The following COBL variants were observed in gnomAD, a reference collection of about 807,000 sequenced individuals.
COBL encodes the protein cordon-bleu WH2 repeat protein, also known as protein cordon-bleu.
A neutral mutation model predicts 98.8 loss-of-function variants in COBL; 51 were observed. The observed-to-expected ratio is 0.52, with a 90% CI of 0.41 to 0.65. The LOEUF (loss-of-function observed/expected upper bound fraction) is 0.65, where lower values mean the gene tolerates loss of function less well. Ranked by LOEUF, COBL falls within the 30% of genes least tolerant of loss-of-function variation. The pLI, the probability that COBL is intolerant of heterozygous loss-of-function variation, is 0.00. For missense variants in COBL, 1,617 were observed against 1,617.5 expected (o/e 1.00, Z 0.01); for synonymous variants, 634 against 651.7 (o/e 0.97, Z 0.41).
intron 12 of COBL, among the ~76,000 whole-genome samples, chr7:51,023,765 C>A (rs1787175310): frequency 6.6e-6 from 1 of 152,230 alleles, no homozygotes; most frequent in Non-Finnish European, 1.5e-5. Context: ...AGCAGTCCTA[C>A]ATGAGAGTAG....
intron 7 of COBL, among the ~76,000 whole-genome samples, chr7:51,045,580 T>C (rs988572664): frequency 3.3e-5 from 5 of 152,158 alleles, no homozygotes; most frequent in Non-Finnish European, 5.9e-5. Context: ...CCAGGGATTA[T>C]CGCTGAGGCG....
intron 5 of COBL, among the ~76,000 whole-genome samples, chr7:51,173,878 A>G (rs530455129): frequency 1.2e-4 from 19 of 152,306 alleles, no homozygotes; most frequent in African/African-American, 4.3e-4. Flanking sequence ...TCCTTTAAGT[A>G]TATTTCCTAT....
chr7:51,215,052 A>G (rs76778476), intron 2 of COBL, among the ~76,000 whole-genome samples: 3,505 of 152,224 alleles, frequency 0.023, 127 homozygotes, highest in South Asian at 0.15. Flanking sequence ...GTGCCTCACG[A>G]AAGTTAGCAA....
chr7:51,088,065 T>C (rs992904703), intron 6 of COBL, among the ~76,000 whole-genome samples: 1 of 152,082 alleles, frequency 6.6e-6, no homozygotes, highest in Non-Finnish European at 1.5e-5. Flanking sequence ...GTATCTGCTT[T>C]TCCTCTGCAG....
At chr7:51,135,345 G>C (rs996138465) in intron 6 of COBL, among the ~76,000 whole-genome samples, 1 of 152,118 alleles carries the variant, frequency 6.6e-6, no homozygotes, top group Non-Finnish European at 1.5e-5. Context: ...TAGATTTTTA[G>C]GGATATGAAG....
At chr7:51,120,529 T>C (rs1797652327) in intron 6 of COBL, among the ~76,000 whole-genome samples, 1 of 152,256 alleles carries the variant, frequency 6.6e-6, no homozygotes, top group South Asian at 2.1e-4. Context: ...CACTTTTAAT[T>C]GTACAGTTCA....
chr7:51,220,147 C>G (rs1186103124), intron 1 of COBL, among the ~76,000 whole-genome samples: 1 of 152,058 alleles, frequency 6.6e-6, no homozygotes, highest in Admixed American at 6.5e-5. Flanking sequence ...GAAGCATTCC[C>G]GGAAAGAAAC....
intron 5 of COBL, among the ~76,000 whole-genome samples, chr7:51,148,866 A>AT (rs1554405789): frequency 6.6e-6 from 1 of 151,602 alleles, no homozygotes; most frequent in Non-Finnish European, 1.5e-5. Flanking sequence ...GGCATCCCCA[A>AT]CCCCCTTATC....
At chr7:51,048,291 T>C (rs1336586377) in intron 7 of COBL, among the ~76,000 whole-genome samples, 1 of 152,226 alleles carries the variant, frequency 6.6e-6, no homozygotes, top group African/African-American at 2.4e-5. Context: ...GTTCAGTTGG[T>C]TGCAACAGAT....
intron 8 of COBL, among the ~76,000 whole-genome samples, chr7:51,042,258 A>C (rs1789274621): frequency 6.6e-6 from 1 of 152,238 alleles, no homozygotes. Flanking sequence ...AGAAAAGAAA[A>C]CATTAATTAA....
rs998442091 is a variant in COBL at position 51,064,919 on chromosome 7, T to G, written c.1096+20247A>C. Reference sequence around the variant, plus strand: ...GCCCTGCTGCCTGGAAAGGATGCAGTGCGGTCTGTGGTGACGGGTTCATAT... The same window carrying G: ...GCCCTGCTGCCTGGAAAGGATGCAGGGCGGTCTGTGGTGACGGGTTCATAT... On this transcript the variant is annotated intron_variant, in intron 7 of 12. Coordinates refer to ENST00000265136, the MANE Select transcript of COBL (RefSeq NM_015198.5). 36 of 554,194 alleles carry G rather than the reference T, an allele frequency of 6.5e-5. 1 individual carries two copies. The highest frequency in any genetic ancestry group is 9.0e-5 in the Non-Finnish European group (28 of 312,302). The allele number at this position is 554,194 out of a possible 1,614,324, so 34.3% of individuals were successfully genotyped here.
chr7:51,058,770 C>T (rs939647608), intron 7 of COBL, among the ~76,000 whole-genome samples: 6 of 152,284 alleles, frequency 3.9e-5, no homozygotes, highest in East Asian at 3.9e-4. Context: ...CATGGACAGC[C>T]GGAGCCTCTG....
At chr7:51,181,553 G>T (rs1024605879) in intron 5 of COBL, among the ~76,000 whole-genome samples, 3 of 152,064 alleles carry the variant, frequency 2.0e-5, no homozygotes, top group Non-Finnish European at 4.4e-5. Flanking sequence ...CTTCCTTTTT[G>T]CCCTAAAAAA....
At chr7:51,105,361 G>T (rs548422642) in intron 6 of COBL, among the ~76,000 whole-genome samples, 1 of 152,158 alleles carries the variant, frequency 6.6e-6, no homozygotes, top group East Asian at 1.9e-4. Flanking sequence ...CACCTGCTGC[G>T]CGAACTTGCT....
intron 6 of COBL, among the ~76,000 whole-genome samples, chr7:51,102,040 CAA>C (rs886283898): frequency 6.6e-6 from 1 of 151,890 alleles, no homozygotes; most frequent in African/African-American, 2.4e-5. Flanking sequence ...GAGGACACAG[CAA>C]AAAAAGAGTT....
chr7:51,084,794 A>G (rs1473223425), intron 7 of COBL, among the ~76,000 whole-genome samples: 1 of 152,098 alleles, frequency 6.6e-6, no homozygotes, highest in East Asian at 1.9e-4. Context: ...GATCTCTTTG[A>G]AATGCCAAAT....
At chr7:51,284,415 AAAG>A (rs1470723995) in intron 1 of COBL, among the ~76,000 whole-genome samples, 2 of 152,182 alleles carry the variant, frequency 1.3e-5, no homozygotes, top group African/African-American at 4.8e-5. Context: ...CTGACAGTTT[AAAG>A]AAGAAAAATC....
intron 2 of COBL, among the ~76,000 whole-genome samples, chr7:51,208,438 G>GA (rs953352853): frequency 2.7e-5 from 4 of 147,150 alleles, no homozygotes; most frequent in Non-Finnish European, 4.5e-5. Context: ...GAGGGAGGTG[G>GA]GGGGGGTCAG....
chr7:51,287,925 G>A (rs779800003), intron 1 of COBL, among the ~76,000 whole-genome samples: 1 of 152,158 alleles, frequency 6.6e-6, no homozygotes, highest in Non-Finnish European at 1.5e-5. Context: ...AAGAGGTTAG[G>A]TTATACCCTA....
Sources: allele counts gnomAD v4.1 joint callset (sites outside exome capture counted in the v4.1 genomes callset), GRCh38; gene constraint gnomAD v4.1.1; transcripts MANE v1.5; gene names NCBI Gene and HGNC (gene_info 2026-07-23, HGNC 2026-07-21).